Variants in FNDC3B observed in about 807,000 individuals in gnomAD.
FNDC3B encodes the protein fibronectin type III domain-containing protein 3B.
Under a neutral mutation model 151.5 loss-of-function variants are expected in FNDC3B, and 12 were observed. That is an observed-to-expected ratio of 0.08 (90% CI 0.05 to 0.13). The LOEUF (loss-of-function observed/expected upper bound fraction) is 0.13. Among genes scored for constraint, FNDC3B ranks in the 10% least tolerant of loss-of-function variants. The pLI, the probability that FNDC3B is intolerant of heterozygous loss-of-function variation, is 1.00. For synonymous variants in FNDC3B, 528 were observed against 549.0 expected (o/e 0.96, Z 0.54); for missense variants, 1,214 against 1,505.3 (o/e 0.81, Z 3.20).
At chr3:172,383,895 A>G (rs952070384) in intron 25 of FNDC3B, among the ~76,000 whole-genome samples, 1 of 152,184 alleles carries the variant, frequency 6.6e-6, no homozygotes, top group African/African-American at 2.4e-5. Context: ...TATGTATTCC[A>G]TTAGGAAAGC....
intron 4 of FNDC3B, among the ~76,000 whole-genome samples, chr3:172,244,421 T>C (rs1727666261): frequency 6.6e-6 from 1 of 152,166 alleles, no homozygotes; most frequent in Admixed American, 6.6e-5. Flanking sequence ...ACCGTTTCCT[T>C]AGTTGCCAAT....
At chr3:172,389,091 G>T (rs1049224549) in intron 25 of FNDC3B, among the ~76,000 whole-genome samples, 5 of 152,080 alleles carry the variant, frequency 3.3e-5, no homozygotes, top group African/African-American at 1.2e-4. Flanking sequence ...CTTCTTAATC[G>T]TATCTGGGCT....
At chr3:172,164,788 A>G (rs1722931526) in intron 3 of FNDC3B, among the ~76,000 whole-genome samples, 1 of 152,224 alleles carries the variant, frequency 6.6e-6, no homozygotes, top group Admixed American at 6.5e-5. Flanking sequence ...AACTACAAGT[A>G]ATATATCATC....
At position 172,378,486 on chromosome 3, in the gene FNDC3B, G is replaced by T. The variant is rs772692473; in HGVS notation, c.3175+50G>T. On this transcript the variant is annotated intron_variant, in intron 24 of 25. Coordinates refer to ENST00000415807, the MANE Select transcript of FNDC3B (RefSeq NM_022763.4). Reference sequence around the variant, plus strand: ...CGCTCTCTTGTGAGAGTAAGGAACTGTTGGGACTTATAGAAAGAAGCTCTT... The same window carrying T: ...CGCTCTCTTGTGAGAGTAAGGAACTTTTGGGACTTATAGAAAGAAGCTCTT... 5 of 1,467,578 alleles carry T rather than the reference G, an allele frequency of 3.4e-6. 1 individual carries two copies. The highest frequency in any genetic ancestry group is 1.8e-4 in the Middle Eastern group (1 of 5,550). 90.9% of individuals were successfully genotyped at this position (1,467,578 alleles called of 1,614,324 possible).
At chr3:172,146,103 G>T (rs193082558) in intron 3 of FNDC3B, among the ~76,000 whole-genome samples, 12 of 152,024 alleles carry the variant, frequency 7.9e-5, no homozygotes, top group African/African-American at 2.9e-4. Context: ...GTGAGCCACC[G>T]TGCCTGGCGG....
chr3:172,201,781 A>C (rs1725171438), intron 3 of FNDC3B, among the ~76,000 whole-genome samples: 1 of 152,208 alleles, frequency 6.6e-6, no homozygotes, highest in Non-Finnish European at 1.5e-5. Context: ...CAGATTTAGG[A>C]AATAAATTTA....
At chr3:172,383,448 G>A (rs1162094006) in intron 25 of FNDC3B, among the ~76,000 whole-genome samples, 1 of 152,202 alleles carries the variant, frequency 6.6e-6, no homozygotes, top group East Asian at 1.9e-4. Flanking sequence ...CCTACATTCT[G>A]TCTACCTTTT....
chr3:172,097,098 T>G (rs568544987), intron 1 of FNDC3B, among the ~76,000 whole-genome samples: 1 of 152,368 alleles, frequency 6.6e-6, no homozygotes, highest in African/African-American at 2.4e-5. Flanking sequence ...TTATCTTTGC[T>G]GATTCCCATT....
intron 22 of FNDC3B, among the ~76,000 whole-genome samples, chr3:172,361,592 T>C (rs1020291863): frequency 6.6e-5 from 10 of 152,186 alleles, no homozygotes; most frequent in Non-Finnish European, 1.2e-4. Flanking sequence ...ATCAGCGCTT[T>C]GGTCATGACC....
chr3:172,116,957 A>G (rs1183714817), intron 2 of FNDC3B, among the ~76,000 whole-genome samples: 1 of 152,166 alleles, frequency 6.6e-6, no homozygotes, highest in East Asian at 1.9e-4. Context: ...GCATGGATCT[A>G]CCACATTTTA....
chr3:172,169,877 G>A (rs1242863210), intron 3 of FNDC3B, among the ~76,000 whole-genome samples: 1 of 152,104 alleles, frequency 6.6e-6, no homozygotes, highest in African/African-American at 2.4e-5. Context: ...CACAAAGAAG[G>A]AAATTCATTG....
intron 6 of FNDC3B, among the ~76,000 whole-genome samples, chr3:172,258,731 G>A (rs765472493): frequency 2.0e-5 from 3 of 152,176 alleles, no homozygotes; most frequent in Non-Finnish European, 4.4e-5. Flanking sequence ...TGTTAATAAG[G>A]TCTGGAATGT....
intron 1 of FNDC3B, among the ~76,000 whole-genome samples, chr3:172,103,186 C>T (rs746619862): frequency 6.6e-6 from 1 of 152,002 alleles, no homozygotes; most frequent in Non-Finnish European, 1.5e-5. Flanking sequence ...GTAGATAAGC[C>T]CCCTTTCCCT....
chr3:172,324,718 C>A (rs1299186936), intron 11 of FNDC3B, among the ~76,000 whole-genome samples: 1 of 152,180 alleles, frequency 6.6e-6, no homozygotes, highest in African/African-American at 2.4e-5. Flanking sequence ...AAAGTTAGGC[C>A]AGAACTGGCT....
intron 1 of FNDC3B, among the ~76,000 whole-genome samples, chr3:172,044,251 TGA>T (rs1716246965): frequency 1.3e-5 from 2 of 151,010 alleles, no homozygotes; most frequent in African/African-American, 4.9e-5. Flanking sequence ...AACAACTTTC[TGA>T]TTTTGTATGG....
At chr3:172,047,405 G>A (rs111621183) in intron 1 of FNDC3B, among the ~76,000 whole-genome samples, 13 of 152,314 alleles carry the variant, frequency 8.5e-5, no homozygotes, top group African/African-American at 3.1e-4. Context: ...AAGTTTGGCT[G>A]CCTATTCTGT....
intron 3 of FNDC3B, among the ~76,000 whole-genome samples, chr3:172,194,741 G>A (rs1724738638): frequency 6.6e-6 from 1 of 152,172 alleles, no homozygotes; most frequent in Admixed American, 6.5e-5. Flanking sequence ...TGAATCACAA[G>A]TGGCATTAAA....
At chr3:172,063,673 C>T (rs2108475476) in intron 1 of FNDC3B, among the ~76,000 whole-genome samples, 1 of 152,256 alleles carries the variant, frequency 6.6e-6, no homozygotes, top group African/African-American at 2.4e-5. Flanking sequence ...GTAATGATCA[C>T]ATGATGTTTT....
intron 25 of FNDC3B, among the ~76,000 whole-genome samples, chr3:172,387,978 C>T (rs1446089472): frequency 2.0e-5 from 3 of 152,196 alleles, no homozygotes; most frequent in South Asian, 2.1e-4. Flanking sequence ...GGAGACACGG[C>T]GACAAGTCTC....
Sources: gnomAD v4.1 joint callset for allele counts (sites outside exome capture counted in the v4.1 genomes callset) on GRCh38, gnomAD v4.1.1 for gene constraint, MANE v1.5 for transcripts, NCBI Gene and HGNC (gene_info 2026-07-23, HGNC 2026-07-21) for gene names.